Variants in SETD5 observed in about 807,000 individuals in gnomAD.
SETD5 encodes the protein SET domain containing 5.
A neutral mutation model predicts 153.3 loss-of-function variants in SETD5; 44 were observed. That is an observed-to-expected ratio of 0.29 (90% CI 0.23 to 0.37). The LOEUF (loss-of-function observed/expected upper bound fraction) is 0.37. SETD5 is among the 10% of genes least tolerant of loss of function. The pLI is 1.00. For missense variants in SETD5, 1,544 were observed against 1,768.0 expected (o/e 0.87, Z 2.27); for synonymous variants, 716 against 645.2 (o/e 1.11, Z -1.66).
At chr3:9,465,731 A>G (rs1404396143) in intron 18 of SETD5, among the ~76,000 whole-genome samples, 1 of 152,198 alleles carries the variant, frequency 6.6e-6, no homozygotes, top group Non-Finnish European at 1.5e-5. Flanking sequence ...TGGGTGAGGG[A>G]AAAAACCTCC....
rs768631076 is a variant in SETD5, at chr3:9,447,236, G to A, written c.1711G>A (p.Val571Ile). 6.2e-7 allele frequency: 1 copy of A among 1,613,924 alleles called. No homozygotes were observed. Among genetic ancestry groups the A allele is most frequent in the Non-Finnish European group, 8.5e-7 (1 of 1,179,904 alleles). ...EAPESEVSNS[V>I]SNVTIPSTPQ... ...CCCTGAATCTGAAGTTAGCAACTCT[G>A]TTTCAAATGTTACCATCCCAAGCAC... The change falls in exon 14 of 23, where the codon GTT becomes ATT. Residue 571 changes from valine to isoleucine, a missense_variant. Around this residue, in one of 9 missense-constraint regions of SETD5, gnomAD observed 782 missense variants for 787.2 expected, o/e 0.99. Transcript: ENST00000402198.
intron 1 of SETD5, among the ~76,000 whole-genome samples, chr3:9,413,655 T>G (rs1341550133): frequency 6.7e-6 from 1 of 149,350 alleles, no homozygotes; most frequent in Non-Finnish European, 1.5e-5. Flanking sequence ...GCGGGGTGTG[T>G]GTGTGTGTGT....
intron 2 of SETD5, chr3:9,426,262 G>C (rs1000265162): frequency 1.2e-5 from 1 of 86,170 alleles, no homozygotes; most frequent in Non-Finnish European, 2.2e-5. Context: ...TGGCAACAGG[G>C]ACTCACTTTG....
chr3:9,428,976 A>G lies in SETD5; in HGVS notation c.38A>G (p.Asp13Gly). 6.2e-7 allele frequency: 1 copy of G among 1,613,396 alleles called. No individual in the cohort carries two copies. Among genetic ancestry groups the G allele is most frequent in the Non-Finnish European group, 8.5e-7 (1 of 1,179,564 alleles). The part of the protein sequence containing the change: ...IAIPLGVTTS[D>G]TSYSDMAAGS... ...ATCCCTCTGGGAGTCACCACATCAG[A>G]TACATCCTACTCAGATATGGCTGCT... The change falls in exon 3 of 23, where the codon GAT becomes GGT. Residue 13 changes from aspartate (D) to glycine (G), a missense_variant. Transcript: ENST00000402198.
chr3:9,404,300 T>C (rs1206589827), intron 1 of SETD5, among the ~76,000 whole-genome samples: 1 of 150,706 alleles, frequency 6.6e-6, no homozygotes, highest in East Asian at 1.9e-4. Flanking sequence ...CCTGACCAAG[T>C]TTTGTGTTAT....
chr3:9,469,830 A>G (rs1435404611), intron 18 of SETD5, among the ~76,000 whole-genome samples: 2 of 152,198 alleles, frequency 1.3e-5, no homozygotes, highest in Non-Finnish European at 2.9e-5. Flanking sequence ...ACATTAGAGG[A>G]TAAAGAAGAA....
At chr3:9,413,701 T>A (rs2036973786) in intron 1 of SETD5, among the ~76,000 whole-genome samples, 1 of 151,532 alleles carries the variant, frequency 6.6e-6, no homozygotes, top group Non-Finnish European at 1.5e-5. Flanking sequence ...TTATTTATTT[T>A]TTTAAGTTAA....
At chr3:9,410,603 C>A (rs879943926) in intron 1 of SETD5, among the ~76,000 whole-genome samples, 9 of 152,172 alleles carry the variant, frequency 5.9e-5, no homozygotes, top group Admixed American at 1.3e-4. Context: ...CTAGTGTCTT[C>A]CAGCTGGTTC....
chr3:9,420,531 T>A (rs554470604), intron 1 of SETD5, among the ~76,000 whole-genome samples: 7 of 152,314 alleles, frequency 4.6e-5, no homozygotes, highest in Admixed American at 3.3e-4. Context: ...AGGAATAAAC[T>A]GGTATTGTAG....
chr3:9,453,489 T>C (rs920886699), intron 16 of SETD5, among the ~76,000 whole-genome samples: 1 of 152,226 alleles, frequency 6.6e-6, no homozygotes, highest in Non-Finnish European at 1.5e-5. Context: ...ATAGCAGTCA[T>C]TTTTTATTGG....
At chr3:9,418,341 CAGAA>C (rs1384122037) in intron 1 of SETD5, among the ~76,000 whole-genome samples, 2 of 152,174 alleles carry the variant, frequency 1.3e-5, no homozygotes, top group Admixed American at 6.5e-5. Context: ...TTTTTCATTA[CAGAA>C]AGAAGAAATT....
chr3:9,402,616 C>G lies in SETD5; in HGVS notation c.-177+4639C>G, dbSNP rs142331739. Among the ~76,000 whole-genome samples, 3 of 152,214 alleles carry G rather than the reference C, an allele frequency of 2.0e-5. No homozygotes were observed. In the East Asian group the frequency reaches 5.8e-4, roughly 29 times the overall value. On this transcript the variant is annotated intron_variant, in intron 1 of 22. Transcript: ENST00000402198. ...GGGCTGCTGCTTTCTCTTCTGTGTT[C>G]TTATGGGTTCGTTGTGGTATAAGGA...
chr3:9,475,450 C>T lies in SETD5; in HGVS notation c.3721-33C>T, dbSNP rs192852612. ...ACCAGCCATTTAAGGGACTTGTTCGCGTCCTTATTCGTTTCCTCCCAACTT... is the reference window on the plus strand; with the variant it reads ...ACCAGCCATTTAAGGGACTTGTTCGTGTCCTTATTCGTTTCCTCCCAACTT... On this transcript the variant is annotated intron_variant, in intron 22 of 22. Coordinates refer to ENST00000402198, the MANE Select transcript of SETD5 (RefSeq NM_001080517.3). 4.6e-4 allele frequency: 726 copies of T among 1,585,050 alleles called. 14 individuals carry two copies. The East Asian group carries it at 9.8e-3, about 21-fold the overall frequency.
intron 1 of SETD5, among the ~76,000 whole-genome samples, chr3:9,416,628 T>G (rs895227495): frequency 3.3e-5 from 5 of 152,226 alleles, no homozygotes; most frequent in African/African-American, 7.2e-5. Flanking sequence ...TGCATAAGCT[T>G]CTTGTTCATT....
intron 6 of SETD5, 104 bp from the exon 7 acceptor site, chr3:9,435,624 G>A: frequency 9.7e-7 from 1 of 1,031,366 alleles, no homozygotes; most frequent in Non-Finnish European, 1.4e-6. Flanking sequence ...GTTAATAGTG[G>A]AAGTAATGGC....
At chr3:9,465,997 A>C (rs2044507623) in intron 18 of SETD5, among the ~76,000 whole-genome samples, 1 of 152,130 alleles carries the variant, frequency 6.6e-6, no homozygotes, top group African/African-American at 2.4e-5. Flanking sequence ...AATTATGAAA[A>C]TTAGAAGGAG....
chr3:9,433,323 G>A (rs1023232050), intron 3 of SETD5: 65 of 1,221,886 alleles, frequency 5.3e-5, no homozygotes, highest in Non-Finnish European at 7.0e-5. Flanking sequence ...AAGATGAGAG[G>A]TATGATAAAT....
At chr3:9,450,477 A>T (rs982331519) in intron 16 of SETD5, among the ~76,000 whole-genome samples, 7 of 152,228 alleles carry the variant, frequency 4.6e-5, no homozygotes, top group Non-Finnish European at 1.0e-4. Context: ...TTTAAAATAC[A>T]GCTTTTTATG....
chr3:9,454,547 G>A (rs1352082773), intron 17 of SETD5, among the ~76,000 whole-genome samples: 3 of 146,800 alleles, frequency 2.0e-5, no homozygotes, highest in Non-Finnish European at 4.5e-5. Flanking sequence ...ACTTGAACCC[G>A]GGAGGTGGAG....
Sources: allele counts gnomAD v4.1 joint callset (sites outside exome capture counted in the v4.1 genomes callset), GRCh38; gene constraint gnomAD v4.1.1; regional missense constraint gnomAD v4.1.1; transcripts MANE v1.5; gene names NCBI Gene and HGNC (gene_info 2026-07-23, HGNC 2026-07-21).